The following DNAH1 variants were observed in gnomAD, a reference collection of about 807,000 sequenced individuals.
DNAH1 encodes dynein axonemal heavy chain 1.
DNAH1 carries 327 observed loss-of-function variants against 484.3 expected under a neutral mutation model. The ratio of observed to expected loss-of-function variants is 0.68; its 90% CI spans 0.62 to 0.74. The LOEUF (loss-of-function observed/expected upper bound fraction) is 0.74. Among genes scored for constraint, DNAH1 ranks in the 30% least tolerant of loss-of-function variants. The pLI is 0.00. For missense variants in DNAH1, 5,052 were observed against 5,546.8 expected (o/e 0.91, Z 2.83); for synonymous variants, 2,192 against 2,191.9 (o/e 1.00, Z 0.00).
Position 52,371,942 on chromosome 3 carries a change from C to G in DNAH1, c.6526-4C>G, listed in dbSNP as rs1219859184. ...GCCCACTGCTGAGCCACCTATGATT[C>G]CAGGTTGCCTGGGTGAAGTGGATGG... On this transcript the variant is annotated splice_polypyrimidine_tract_variant and splice_region_variant and intron_variant, in intron 41 of 77. Coordinates refer to ENST00000420323, the MANE Select transcript of DNAH1 (RefSeq NM_015512.5). 6.2e-7 allele frequency: 1 copy of G among 1,612,934 alleles called. No homozygotes were observed. The highest frequency in any genetic ancestry group is 1.3e-5 in the African/African-American group (1 of 74,912).
At position 52,380,058 on chromosome 3, in the gene DNAH1, C is replaced by A; in HGVS notation, c.7531C>A (p.Gln2511Lys). ...GACCTTCAACAAGGTCTGCCCCTTC[C>A]AGCCCATTCTTTACGGGGACTTCAT... is the stretch of plus-strand genomic sequence containing the variant. The part of the protein sequence containing the change: ...EVTFNKVCPF[Q>K]PILYGDFMSP... The change falls in exon 48 of 78, where the codon CAG becomes AAG. Residue 2511 changes from glutamine (Q) to lysine (K), a missense_variant. This residue lies in a region of DNAH1 where 2,929 missense variants were observed against 3,409.4 expected (regional missense o/e 0.86). Transcript: ENST00000420323. 6.2e-7 allele frequency: 1 copy of A among 1,604,718 alleles called. No individual in the cohort carries two copies. Among genetic ancestry groups the A allele is most frequent in the East Asian group, 2.2e-5 (1 of 44,494 alleles).
rs1448206028 is a variant in DNAH1 at position 52,391,450 on chromosome 3, A to G, written c.9899A>G (p.Lys3300Arg). The change falls in exon 63 of 78, where the codon AAG becomes AGG. Residue 3300 changes from lysine (K) to arginine (R), a missense_variant. Around this residue, in one of 4 missense-constraint regions of DNAH1, gnomAD observed 2,929 missense variants for 3,409.4 expected, o/e 0.86. Coordinates refer to ENST00000420323, the MANE Select transcript of DNAH1 (RefSeq NM_015512.5). ...LEPVLLKQTYKQQGNTVLKLG... is the reference protein window; with the variant it reads ...LEPVLLKQTYRQQGNTVLKLG... The stretch of plus-strand genomic sequence containing the variant: ...CGGTCCCACCCACCACAGACGTACA[A>G]GCAGCAGGGAAACACGGTGCTGAAG... 2 of 1,610,428 alleles carry G rather than the reference A, an allele frequency of 1.2e-6. No individual in the cohort carries two copies. Among genetic ancestry groups the G allele is most frequent in the East Asian group, 4.5e-5 (2 of 44,674 alleles).
chr3:52,387,038 C>T (rs1465377291), intron 56 of DNAH1, among the ~76,000 whole-genome samples, 185 bp downstream of exon 56: 1 of 152,222 alleles, frequency 6.6e-6, no homozygotes, highest in Admixed American at 6.5e-5. Flanking sequence ...ACACAGATGG[C>T]TGGAACCAGA....
At chr3:52,356,518 A>T in intron 21 of DNAH1, 96 bp from the exon 22 acceptor site, 2 of 1,311,572 alleles carry the variant, frequency 1.5e-6, no homozygotes, top group East Asian at 4.9e-5. Context: ...TCTGCCCAAC[A>T]TGCTGGTGGG....
At position 52,391,430 on chromosome 3, in the gene DNAH1, C is replaced by T; in HGVS notation, c.9892-13C>T. ...GCTCAGGCCACAGTACCCACCGGTC[C>T]CACCCACCACAGACGTACAAGCAGC... is the stretch of plus-strand genomic sequence containing the variant. On this transcript the variant is annotated splice_polypyrimidine_tract_variant and intron_variant, in intron 62 of 77. Coordinates refer to ENST00000420323, the MANE Select transcript of DNAH1 (RefSeq NM_015512.5). The T allele has an allele frequency of 6.2e-7, 1 of 1,605,596 alleles. No homozygotes were observed.
chr3:52,326,952 C>T lies in DNAH1; in HGVS notation c.738+61C>T, dbSNP rs769173700. The stretch of plus-strand genomic sequence containing the variant: ...GGCAGAAGTGCAGGACCCCAGTGGA[C>T]GCTCAGGAGTCAGATCTGAAAGGGG... On this transcript the variant is annotated intron_variant, in intron 5 of 77. Transcript: ENST00000420323. 50 of 1,545,796 alleles carry T rather than the reference C, an allele frequency of 3.2e-5. No individual in the cohort carries two copies. The East Asian group carries it at 6.9e-4, about 21-fold the overall frequency.
At chr3:52,387,449 G>A (rs1483220649) in intron 56 of DNAH1, among the ~76,000 whole-genome samples, 3 of 152,136 alleles carry the variant, frequency 2.0e-5, no homozygotes, top group Non-Finnish European at 2.9e-5. Context: ...CTAGGGGGCA[G>A]CTGCCTGTCC....
chr3:52,378,872 G>A (rs1371390612), intron 47 of DNAH1, 92 bp downstream of exon 47: 10 of 1,517,246 alleles, frequency 6.6e-6, no homozygotes, highest in Non-Finnish European at 9.0e-7. Flanking sequence ...GCCCAAACAG[G>A]CCCTGAGTGG....
chr3:52,397,580 A>G (rs1045682954), intron 73 of DNAH1, 127 bp from the exon 74 acceptor site: 4 of 884,700 alleles, frequency 4.5e-6, no homozygotes, highest in African/African-American at 1.7e-5. Context: ...AGGGACATGC[A>G]TAAGGGTTAT....
chr3:52,330,010 A>C (rs1308608710), intron 6 of DNAH1, among the ~76,000 whole-genome samples: 1 of 152,080 alleles, frequency 6.6e-6, no homozygotes, highest in Admixed American at 6.5e-5. Flanking sequence ...GGATTTTACC[A>C]TGTTGCCCAA....
chr3:52,332,524 C>T (rs1701596065), intron 8 of DNAH1, 130 bp downstream of exon 8: 4 of 1,359,886 alleles, frequency 2.9e-6, no homozygotes, highest in Non-Finnish European at 2.9e-6. Context: ...CTGGCTATTG[C>T]CCTCTGGACT....
intron 10 of DNAH1, 94 bp from the exon 11 acceptor site, chr3:52,346,378 C>T (rs539450342): frequency 1.1e-4 from 154 of 1,342,972 alleles, no homozygotes; most frequent in African/African-American, 5.8e-4. Flanking sequence ...AGCCCTGAGC[C>T]GCCCCAAGCA....
chr3:52,327,978 A>G lies in DNAH1; in HGVS notation c.835A>G (p.Lys279Glu). The change falls in exon 6 of 78, where the codon AAA (lysine) becomes GAA (glutamate). Residue 279 changes from lysine to glutamate, a missense_variant. Lys to Glu is a moderately conservative substitution (Grantham distance 56, BLOSUM62 1). Transcript: ENST00000420323. ...TCTGGACAGGAAACCTGTCCCGGGA[A>G]AAGCCCTCTTGCCCACTGATGACTT... ...GSLDRKPVPG[K>E]ALLPTDDFLG... is the part of the protein sequence containing the mutation. The G allele has an allele frequency of 2.5e-6, 4 of 1,613,936 alleles. No homozygotes were observed. The highest frequency in any genetic ancestry group is 1.3e-5 in the African/African-American group (1 of 75,046).
At chr3:52,391,767 A>G (rs186512627) in intron 63 of DNAH1, among the ~76,000 whole-genome samples, 164 bp downstream of exon 63, 1 of 152,284 alleles carries the variant, frequency 6.6e-6, no homozygotes, top group African/African-American at 2.4e-5. Context: ...TAGCACTTCC[A>G]CCAGCTCCTC....
rs201490355 is a variant in DNAH1, at chr3:52,395,937, CCTT to C, written c.11259+260_11259+262del. The stretch of plus-strand genomic sequence containing the variant: ...ACCGTGACCTGGGACTTGCCAAAGC[CCTT>C]TTTTTTTTTTTTTTTTCAGACGGAG... On this transcript the variant is annotated intron_variant, in intron 70 of 77. Coordinates refer to ENST00000420323, the MANE Select transcript of DNAH1 (RefSeq NM_015512.5). This position sits in a 1 kb window ranked among gnomAD's most constrained non-coding sequence, Gnocchi z 4.4. Among the ~76,000 whole-genome samples, 2,609 of 150,834 alleles carry C rather than the reference CCTT, an allele frequency of 0.017. 67 individuals carry two copies. The highest frequency in any genetic ancestry group is 0.06 in the African/African-American group (2,441 of 40,820).
chr3:52,337,865 G>A (rs1701790633), intron 8 of DNAH1, among the ~76,000 whole-genome samples: 1 of 152,152 alleles, frequency 6.6e-6, no homozygotes, highest in Non-Finnish European at 1.5e-5. Flanking sequence ...AACAATCATA[G>A]CTCACTTCAG....
intron 65 of DNAH1, 48 bp downstream of exon 65, chr3:52,393,073 T>C: frequency 6.3e-7 from 1 of 1,587,814 alleles, no homozygotes; most frequent in East Asian, 2.3e-5. Flanking sequence ...ATGACCCATG[T>C]GGACACATTT....
chr3:52,397,094 T>G (rs747147710), intron 73 of DNAH1, 50 bp downstream of exon 73: 5 of 1,513,518 alleles, frequency 3.3e-6, no homozygotes, highest in Non-Finnish European at 4.4e-6. Context: ...AGCCTGGGGT[T>G]CTGGGGTACC....
Position 52,366,781 on chromosome 3 carries a change from T to G in DNAH1, c.5659T>G (p.Ser1887Ala). ...AAMTSLKGQPSISGGMYEAVN... is the reference protein window; with the variant it reads ...AAMTSLKGQPAISGGMYEAVN... ...CATGACGTCACTGAAAGGGCAGCCA[T>G]CCATCAGTGGTGGCATGTACGAGGC... The change falls in exon 36 of 78, where the codon TCC (serine) becomes GCC (alanine). Residue 1887 changes from serine to alanine, a missense_variant. By Grantham distance (99) the Ser-to-Ala change is moderately conservative (BLOSUM62 1). Coordinates refer to ENST00000420323, the MANE Select transcript of DNAH1 (RefSeq NM_015512.5). The G allele has an allele frequency of 6.2e-7, 1 of 1,613,372 alleles. No individual in the cohort carries two copies. The highest frequency in any genetic ancestry group is 8.5e-7 in the Non-Finnish European group (1 of 1,179,592).
Sources: allele counts gnomAD v4.1 joint callset (sites outside exome capture counted in the v4.1 genomes callset), GRCh38; gene constraint gnomAD v4.1.1; regional missense constraint gnomAD v4.1.1; non-coding constraint Gnocchi (gnomAD v3.1); transcripts MANE v1.5; gene names NCBI Gene and HGNC (gene_info 2026-07-23, HGNC 2026-07-21).